The following ACTN1 variants were observed in gnomAD, a reference collection of about 807,000 sequenced individuals.
ACTN1 encodes the protein alpha-actinin-1.
Under a neutral mutation model 119.6 loss-of-function variants are expected in ACTN1, and 30 were observed. That is an observed-to-expected ratio of 0.25 (90% CI 0.19 to 0.34). The LOEUF is 0.34. ACTN1 is among the 10% of genes least tolerant of loss of function. ACTN1 has a pLI of 1.00. For missense variants in ACTN1, 764 were observed against 1,223.4 expected, an observed-to-expected ratio of 0.62 and a Z score of 5.60; for synonymous variants, 429 against 472.6, an observed-to-expected ratio of 0.91 and a Z score of 1.20.
intron 11 of ACTN1, 29 bp downstream of exon 11, chr14:68,890,110 G>C (rs1266503748): frequency 1.4e-5 from 22 of 1,600,584 alleles, no homozygotes; most frequent in Non-Finnish European, 1.9e-5. Flanking sequence ...GAAGCCCTGG[G>C]GGGAGGCAGG....
intron 3 of ACTN1, 82 bp downstream of exon 3, chr14:68,920,924 A>T: frequency 6.4e-7 from 1 of 1,566,164 alleles, no homozygotes; most frequent in Non-Finnish European, 8.7e-7. Flanking sequence ...GCATGGGCCC[A>T]GGAGGCAGCA....
intron 11 of ACTN1, chr14:68,888,270 A>C: frequency 6.1e-6 from 2 of 327,966 alleles, no homozygotes; most frequent in Non-Finnish European, 5.9e-6. Context: ...CATGTGGCCA[A>C]ACTGCTTTCC....
At chr14:68,906,202 G>GT (rs1023207841) in intron 6 of ACTN1, among the ~76,000 whole-genome samples, 5 of 152,192 alleles carry the variant, frequency 3.3e-5, no homozygotes, top group Admixed American at 6.5e-5. Flanking sequence ...CCCCTGAACA[G>GT]TAAGTGTATT....
intron 3 of ACTN1, among the ~76,000 whole-genome samples, chr14:68,915,906 C>T (rs547575028): frequency 6.6e-6 from 1 of 152,280 alleles, no homozygotes; most frequent in South Asian, 2.1e-4. Flanking sequence ...CCCAGCTACT[C>T]GTGGGGCTGA....
chr14:68,972,558 C>A (rs1303421579), intron 1 of ACTN1, among the ~76,000 whole-genome samples: 1 of 152,326 alleles, frequency 6.6e-6, no homozygotes, highest in South Asian at 2.1e-4. Context: ...AGTGGTTTCA[C>A]GTATATTTGT....
intron 10 of ACTN1, 28 bp downstream of exon 10, chr14:68,892,025 G>A: frequency 6.2e-7 from 1 of 1,609,420 alleles, no homozygotes; most frequent in Non-Finnish European, 8.5e-7. Context: ...GTCCAGTCTG[G>A]GGGCCCAGGC....
chr14:68,958,558 T>A (rs777187391), intron 1 of ACTN1, among the ~76,000 whole-genome samples: 7 of 151,876 alleles, frequency 4.6e-5, no homozygotes, highest in Non-Finnish European at 8.8e-5. Context: ...CTGGTCAGTC[T>A]TTTGAAAGCA....
intron 1 of ACTN1, among the ~76,000 whole-genome samples, chr14:68,964,236 A>G (rs1022501449): frequency 4.6e-5 from 7 of 152,188 alleles, no homozygotes; most frequent in African/African-American, 9.6e-5. Context: ...AAAGGCAGCA[A>G]GCAGCTGCAG....
rs1427656265 is a variant in ACTN1 at position 68,880,442 on chromosome 14, C to A, written c.2134-334G>T. Among the ~76,000 whole-genome samples the A allele has an allele frequency of 7.6e-6, 1 of 130,784 alleles. No individual in the cohort carries two copies. Among genetic ancestry groups the A allele is most frequent in the Non-Finnish European group, 1.6e-5 (1 of 63,622 alleles). 85.8% of individuals were successfully genotyped at this position (130,784 alleles called of 152,430 possible). A position where few individuals can be genotyped will look rare whatever the true frequency, so the allele number is the denominator to read the frequency against. On this transcript the variant is annotated intron_variant, in intron 17 of 21. Transcript: ENST00000394419. The surrounding 1 kb of genome is among the most constrained non-coding windows in gnomAD (Gnocchi z 4.6). ...GTGATTCCCCGAACCTCCAACCCCA[C>A]AGCCACGCGCGCACACACACATACA...
At position 68,884,308 on chromosome 14, in the gene ACTN1, G is replaced by A. The variant is rs372651589; in HGVS notation, c.1495C>T (p.Arg499Trp). ...ATGGTCTCCAGCAGTTTCTCGGTCCGCTGGGAGTGCCAAATAGGGTAAGGG... is the reference window on the plus strand; with the variant it reads ...ATGGTCTCCAGCAGTTTCTCGGTCCACTGGGAGTGCCAAATAGGGTAAGGG... ...LTQKRREALE[R>W]TEKLLETIDQ... The change falls in exon 14 of 22, where the codon CGG becomes TGG. Residue 499 changes from arginine to tryptophan, a missense_variant and splice_region_variant. By Grantham distance (101) the Arg-to-Trp change is moderately radical. This residue lies in a region of ACTN1 where 544 missense variants were observed against 912.0 expected (regional missense o/e 0.60). Coordinates refer to ENST00000394419, the MANE Select transcript of ACTN1 (RefSeq NM_001130004.2). 9 of 1,613,612 alleles carry A rather than the reference G, an allele frequency of 5.6e-6. No individual in the cohort carries two copies. Among genetic ancestry groups the A allele is most frequent in the African/African-American group, 1.3e-5 (1 of 75,030 alleles).
At chr14:68,918,477 T>A (rs1390649679) in intron 3 of ACTN1, among the ~76,000 whole-genome samples, 4 of 145,282 alleles carry the variant, frequency 2.8e-5, no homozygotes, top group Admixed American at 1.4e-4. Flanking sequence ...TCCCAGCTAC[T>A]CGGGAGGCTG....
intron 1 of ACTN1, among the ~76,000 whole-genome samples, chr14:68,939,575 A>G (rs2035694146): frequency 6.6e-6 from 1 of 152,230 alleles, no homozygotes. Flanking sequence ...TTAAAACACA[A>G]AAGCACCTAG....
rs185081341 is a variant in ACTN1 at position 68,926,012 on chromosome 14, C to T, written c.106-340G>A. ...ACAATTCCATTCTTACAAGTTACCT[C>T]TTAAGTTATAAGACTTAGTTTCAAT... On this transcript the variant is annotated intron_variant, in intron 1 of 21. Coordinates refer to ENST00000394419, the MANE Select transcript of ACTN1 (RefSeq NM_001130004.2). Among the ~76,000 whole-genome samples the T allele has an allele frequency of 6.6e-5, 10 of 152,342 alleles. No individual in the cohort carries two copies. In the East Asian group the frequency reaches 1.9e-3, roughly 29 times the overall value.
intron 7 of ACTN1, 134 bp downstream of exon 7, chr14:68,904,521 A>T (rs1266804236): frequency 2.9e-6 from 2 of 679,500 alleles, no homozygotes; most frequent in African/African-American, 3.6e-5. Context: ...TGTGATCCCC[A>T]TGCTCCTCAA....
Position 68,880,620 on chromosome 14 carries a change from C to T in ACTN1, c.2133+190G>A, listed in dbSNP as rs1466080594. 1.3e-5 allele frequency among the ~76,000 whole-genome samples: 2 copies of T among 152,160 alleles called. No homozygotes were observed. The highest frequency in any genetic ancestry group is 2.9e-5 in the Non-Finnish European group (2 of 68,016). ...GTGAAGCAAATTCTAGAGATGGGGC[C>T]TAGAAATGTGCATTCTCAACACATT... On this transcript the variant is annotated intron_variant, in intron 17 of 21. Coordinates refer to ENST00000394419, the MANE Select transcript of ACTN1 (RefSeq NM_001130004.2). The surrounding 1 kb of genome is among the most constrained non-coding windows in gnomAD (Gnocchi z 4.6).
chr14:68,889,056 G>A (rs1247774124), intron 11 of ACTN1, among the ~76,000 whole-genome samples: 1 of 152,186 alleles, frequency 6.6e-6, no homozygotes, highest in Non-Finnish European at 1.5e-5. Context: ...GAGCTCCGCC[G>A]GCCAATAGGT....
At chr14:68,913,180 C>CT (rs1488450784) in intron 3 of ACTN1, among the ~76,000 whole-genome samples, 1 of 152,186 alleles carries the variant, frequency 6.6e-6, no homozygotes, top group Non-Finnish European at 1.5e-5. Flanking sequence ...TAGATTTTCT[C>CT]TTTTTTTCTG....
chr14:68,959,630 T>C (rs2036459686), intron 1 of ACTN1, among the ~76,000 whole-genome samples: 1 of 152,196 alleles, frequency 6.6e-6, no homozygotes, highest in Non-Finnish European at 1.5e-5. Flanking sequence ...TAGCAAATAC[T>C]GCATAATCTA....
chr14:68,875,040 A>C (rs766220501), intron 21 of ACTN1, 23 bp from the exon 22 acceptor site: 9 of 1,610,410 alleles, frequency 5.6e-6, no homozygotes, highest in Non-Finnish European at 7.6e-6. Flanking sequence ...AGTGGTCAGG[A>C]AGGCCGCAAA....
Sources: gnomAD v4.1 joint callset for allele counts (sites outside exome capture counted in the v4.1 genomes callset) on GRCh38, gnomAD v4.1.1 for gene constraint, gnomAD v4.1.1 regional missense constraint, Gnocchi (gnomAD v3.1) non-coding constraint, MANE v1.5 for transcripts, NCBI Gene and HGNC (gene_info 2026-07-23, HGNC 2026-07-21) for gene names.